Variants in TENM4 observed in about 807,000 individuals in gnomAD.
The protein encoded by TENM4 is teneurin transmembrane protein 4.
Under a neutral mutation model 243.3 loss-of-function variants are expected in TENM4, and 82 were observed. The ratio of observed to expected loss-of-function variants is 0.34; its 90% CI spans 0.28 to 0.40. The LOEUF (loss-of-function observed/expected upper bound fraction) is 0.40. Ranked by LOEUF, TENM4 falls within the 10% of genes least tolerant of loss-of-function variation. TENM4 has a pLI of 1.00. For missense variants in TENM4, 3,138 were observed against 3,673.3 expected (o/e 0.85, Z 3.77); for synonymous variants, 1,412 against 1,456.3 (o/e 0.97, Z 0.69).
intron 2 of TENM4, among the ~76,000 whole-genome samples, chr11:79,296,603 A>G (rs1194229233): frequency 2.0e-5 from 3 of 152,226 alleles, no homozygotes; most frequent in African/African-American, 7.2e-5. Flanking sequence ...GAATGCAACA[A>G]TGACCATTCA....
intron 6 of TENM4, among the ~76,000 whole-genome samples, chr11:78,970,748 G>A (rs1472676735): frequency 6.6e-6 from 1 of 152,140 alleles, no homozygotes; most frequent in African/African-American, 2.4e-5. Flanking sequence ...GAGGGTTAAA[G>A]GAGACTATGG....
intron 6 of TENM4, among the ~76,000 whole-genome samples, chr11:78,941,830 C>T (rs1856902498): frequency 6.6e-6 from 1 of 152,188 alleles, no homozygotes; most frequent in African/African-American, 2.4e-5. Flanking sequence ...TGTCTGTAAT[C>T]AGATTTCTCT....
At chr11:78,970,599 G>T (rs2136572712) in intron 6 of TENM4, among the ~76,000 whole-genome samples, 1 of 152,276 alleles carries the variant, frequency 6.6e-6, no homozygotes, top group Non-Finnish European at 1.5e-5. Context: ...GCTGGGTGCA[G>T]GTCAACAAAG....
intron 10 of TENM4, among the ~76,000 whole-genome samples, chr11:78,859,653 T>G (rs1185189119): frequency 6.6e-6 from 1 of 152,226 alleles, no homozygotes; most frequent in Non-Finnish European, 1.5e-5. Flanking sequence ...TTTCTCTCCC[T>G]CCACCTTTTT....
rs181837972 is a variant in TENM4 at position 78,739,665 on chromosome 11, A to G, written c.2757-1095T>C. On this transcript the variant is annotated intron_variant, in intron 19 of 33. Transcript: ENST00000278550. ...AGAAACAGAAACGTTAGGGTAGATG[A>G]CATTTTATAAGGACTCCAAAGTGGA... 6.5e-3 allele frequency among the ~76,000 whole-genome samples: 996 copies of G among 152,238 alleles called. 8 individuals carry two copies. Among genetic ancestry groups the G allele is most frequent in the Middle Eastern group, 0.017 (5 of 294 alleles).
intron 1 of TENM4, among the ~76,000 whole-genome samples, chr11:79,379,811 G>A (rs1435494446): frequency 6.6e-6 from 1 of 152,196 alleles, no homozygotes; most frequent in African/African-American, 2.4e-5. Context: ...GATGGGCTGA[G>A]GGTGGTGAGG....
At chr11:78,883,970 C>T (rs1855491964) in intron 9 of TENM4, among the ~76,000 whole-genome samples, 1 of 152,220 alleles carries the variant, frequency 6.6e-6, no homozygotes, top group African/African-American at 2.4e-5. Context: ...TCCAAGTTCT[C>T]ACTCAGGAGT....
chr11:78,822,982 G>A (rs1248769355), intron 12 of TENM4, among the ~76,000 whole-genome samples: 3 of 152,246 alleles, frequency 2.0e-5, no homozygotes, highest in East Asian at 1.9e-4. Context: ...AGCCTCAAGC[G>A]GCCCCGAGGT....
At chr11:79,158,036 C>T (rs1190735478) in intron 3 of TENM4, among the ~76,000 whole-genome samples, 1 of 152,192 alleles carries the variant, frequency 6.6e-6, no homozygotes, top group Non-Finnish European at 1.5e-5. Flanking sequence ...TGCAGCTTAC[C>T]TCTGCTCTCA....
intron 1 of TENM4, among the ~76,000 whole-genome samples, chr11:79,395,428 T>C (rs937492030): frequency 6.6e-6 from 1 of 152,184 alleles, no homozygotes; most frequent in Non-Finnish European, 1.5e-5. Flanking sequence ...AGATGGAGGA[T>C]ACTTTGGACA....
intron 21 of TENM4, among the ~76,000 whole-genome samples, chr11:78,730,876 A>G (rs1855646983): frequency 6.6e-6 from 1 of 152,182 alleles, no homozygotes; most frequent in African/African-American, 2.4e-5. Flanking sequence ...CCTAAACTAC[A>G]GCTTATAAGT....
At chr11:79,138,655 ATATAT>A (rs1181798669) in intron 4 of TENM4, among the ~76,000 whole-genome samples, 3 of 105,404 alleles carry the variant, frequency 2.8e-5, no homozygotes, top group Admixed American at 2.7e-4. Flanking sequence ...TACATAAAAC[ATATAT>A]TATATTTATA....
intron 3 of TENM4, among the ~76,000 whole-genome samples, chr11:79,164,783 T>C (rs1403834760): frequency 6.6e-6 from 1 of 151,552 alleles, no homozygotes; most frequent in Non-Finnish European, 1.5e-5. Context: ...GGTTTCTGTT[T>C]TTGCTTCATC....
intron 2 of TENM4, among the ~76,000 whole-genome samples, chr11:79,280,683 C>T (rs1236818095): frequency 3.9e-5 from 6 of 152,202 alleles, no homozygotes; most frequent in Non-Finnish European, 7.3e-5. Context: ...CCAATTAACC[C>T]TCCTGAAGCT....
intron 2 of TENM4, among the ~76,000 whole-genome samples, chr11:79,235,696 GT>G (rs1864452342): frequency 6.6e-6 from 1 of 151,664 alleles, no homozygotes; most frequent in Non-Finnish European, 1.5e-5. Context: ...ACTATAAATA[GT>G]TATACAAGTG....
intron 3 of TENM4, among the ~76,000 whole-genome samples, chr11:79,190,527 A>G (rs1863459428): frequency 6.6e-6 from 1 of 152,160 alleles, no homozygotes; most frequent in Non-Finnish European, 1.5e-5. Context: ...CTTTTAGAAT[A>G]AATGAATGAG....
At chr11:79,066,687 T>G (rs528635375) in intron 5 of TENM4, among the ~76,000 whole-genome samples, 4 of 144,506 alleles carry the variant, frequency 2.8e-5, no homozygotes, top group Non-Finnish European at 6.0e-5. Flanking sequence ...CACGCACGCA[T>G]GCACACTCGA....
At chr11:79,266,526 A>G (rs1159192935) in intron 2 of TENM4, among the ~76,000 whole-genome samples, 1 of 151,896 alleles carries the variant, frequency 6.6e-6, no homozygotes, top group Non-Finnish European at 1.5e-5. Flanking sequence ...TGAAAGGCAC[A>G]GGCCCTTATC....
At chr11:79,020,031 G>A (rs994676605) in intron 6 of TENM4, among the ~76,000 whole-genome samples, 7 of 152,112 alleles carry the variant, frequency 4.6e-5, no homozygotes, top group African/African-American at 1.2e-4. Flanking sequence ...AGACTGCCAC[G>A]GCTCATTCAT....
Sources: gnomAD v4.1 joint callset for allele counts (sites outside exome capture counted in the v4.1 genomes callset) on GRCh38, gnomAD v4.1.1 for gene constraint, MANE v1.5 for transcripts, NCBI Gene and HGNC (gene_info 2026-07-23, HGNC 2026-07-21) for gene names.